The following AP3S2 variants were observed in gnomAD, a reference collection of about 807,000 sequenced individuals.
AP3S2 encodes the protein AP-3 complex subunit sigma-2.
In AP3S2, 22 loss-of-function variants were observed where a neutral mutation model predicts 23.4. The observed-to-expected ratio is 0.94, with a 90% CI of 0.67 to 1.34. AP3S2 has a LOEUF of 1.34. AP3S2 is among the 40% of genes most tolerant of loss of function. The pLI, the probability that AP3S2 is intolerant of heterozygous loss-of-function variation, is 0.00. For synonymous variants in AP3S2, 86 were observed against 87.1 expected, an observed-to-expected ratio of 0.99 and a Z score of 0.07; for missense variants, 241 against 236.9, an observed-to-expected ratio of 1.02 and a Z score of -0.11.
At chr15:89,850,089 T>C (rs1423988276) in intron 4 of AP3S2, among the ~76,000 whole-genome samples, 9 of 152,230 alleles carry the variant, frequency 5.9e-5, no homozygotes, top group Non-Finnish European at 1.0e-4. Flanking sequence ...CTCAGGCACA[T>C]AGAGCTGTCT....
At chr15:89,871,364 A>G in intron 4 of AP3S2, 111 bp downstream of exon 4, 1 of 1,002,484 alleles carries the variant, frequency 1.0e-6, no homozygotes, top group Non-Finnish European at 1.5e-6. Context: ...GACTATCTTA[A>G]GAGTAAAAAA....
At chr15:89,861,048 C>A (rs1351369437) in intron 4 of AP3S2, among the ~76,000 whole-genome samples, 2 of 152,170 alleles carry the variant, frequency 1.3e-5, no homozygotes, top group Non-Finnish European at 2.9e-5. Context: ...CAGGGTGTGG[C>A]AGGTATTAAT....
intron 4 of AP3S2, among the ~76,000 whole-genome samples, chr15:89,862,901 T>A (rs908505955): frequency 6.6e-5 from 10 of 151,764 alleles, no homozygotes; most frequent in South Asian, 2.1e-4. Flanking sequence ...AGCATGAAAA[T>A]TTTTTTTTAA....
intron 4 of AP3S2, among the ~76,000 whole-genome samples, chr15:89,846,622 G>A (rs1455944877): frequency 3.3e-5 from 5 of 151,844 alleles, no homozygotes; most frequent in Non-Finnish European, 7.4e-5. Context: ...CGCCTCCCGG[G>A]TTCAAGCAAT....
chr15:89,848,431 G>C (rs2060239678), intron 4 of AP3S2, among the ~76,000 whole-genome samples: 1 of 152,214 alleles, frequency 6.6e-6, no homozygotes, highest in South Asian at 2.1e-4. Context: ...CGTGATCTTG[G>C]CTCACTGCAG....
intron 1 of AP3S2, among the ~76,000 whole-genome samples, chr15:89,890,982 G>A (rs1357272141): frequency 6.6e-6 from 1 of 152,186 alleles, no homozygotes; most frequent in Non-Finnish European, 1.5e-5. Context: ...GCTCACAGAT[G>A]ACAGGATGCT....
Position 89,852,165 on chromosome 15 carries a change from A to C in AP3S2, c.346-14443T>G, listed in dbSNP as rs117054006. Among the ~76,000 whole-genome samples, 99 of 152,294 alleles carry C rather than the reference A, an allele frequency of 6.5e-4. 2 individuals carry two copies. The East Asian group carries it at 0.016, about 25-fold the overall frequency. On this transcript the variant is annotated intron_variant, in intron 4 of 5. Transcript: ENST00000336418. ...CTGAGGCTTCCTACCAATAAACCTC[A>C]GTTTCTTCATCTGTAAAATGGGGAG...
Position 89,872,374 on chromosome 15 carries a change from A to T in AP3S2, c.274-828T>A, listed in dbSNP as rs61218380. Among the ~76,000 whole-genome samples, 662 of 151,858 alleles carry T rather than the reference A, an allele frequency of 4.4e-3. 10 individuals are homozygous for T. The highest frequency in any genetic ancestry group is 0.015 in the African/African-American group (622 of 41,430). ...TTAATTGACGTGTTTACAACTTAAA[A>T]TTTTTTTTTAAAAGCCCTGAGCTTA... On this transcript the variant is annotated intron_variant, in intron 3 of 5. Coordinates refer to ENST00000336418, the MANE Select transcript of AP3S2 (RefSeq NM_005829.5).
At chr15:89,883,000 G>A (rs1896608080) in intron 3 of AP3S2, among the ~76,000 whole-genome samples, 1 of 152,160 alleles carries the variant, frequency 6.6e-6, no homozygotes. Context: ...AACAACGGGA[G>A]AGTTTGTAGC....
intron 3 of AP3S2, among the ~76,000 whole-genome samples, chr15:89,887,418 C>A (rs1896724837): frequency 6.6e-6 from 1 of 152,106 alleles, no homozygotes; most frequent in African/African-American, 2.4e-5. Flanking sequence ...GTCACCCAGG[C>A]TGGAGTGCAG....
At chr15:89,844,269 T>TTCTTTCTC (rs1307399243) in intron 4 of AP3S2, among the ~76,000 whole-genome samples, 2 of 12,104 alleles carry the variant, frequency 1.7e-4, no homozygotes, top group South Asian at 5.1e-3. Flanking sequence ...CTTTCTTTCT[T>TTCTTTCTC]TCTCTCTCTC....
At chr15:89,859,215 C>CTCTT (rs751498006) in intron 4 of AP3S2, among the ~76,000 whole-genome samples, 1 of 149,952 alleles carries the variant, frequency 6.7e-6, no homozygotes, top group Non-Finnish European at 1.5e-5. Flanking sequence ...TGCTTCCTTT[C>CTCTT]TCTTTCTTTC....
intron 4 of AP3S2, among the ~76,000 whole-genome samples, chr15:89,840,716 C>A (rs1267643641): frequency 6.6e-6 from 1 of 152,188 alleles, no homozygotes; most frequent in Non-Finnish European, 1.5e-5. Context: ...GCGTGAGCCA[C>A]CACGCCTGGC....
At position 89,871,655 on chromosome 15, in the gene AP3S2, T is replaced by C. The variant is rs1275504334; in HGVS notation, c.274-109A>G. ...GGCTGTCACAATACTATTTACTTTA[T>C]GATAAATCTCAAAAATTAAAACACC... On this transcript the variant is annotated intron_variant, in intron 3 of 5. Transcript: ENST00000336418. 19 of 1,146,528 alleles carry C rather than the reference T, an allele frequency of 1.7e-5. No individual in the cohort carries two copies. The East Asian group carries it at 4.1e-4, about 25-fold the overall frequency. 71.0% of individuals were successfully genotyped at this position (1,146,528 alleles called of 1,614,324 possible).
chr15:89,888,473 C>G (rs750940837), intron 3 of AP3S2, 48 bp downstream of exon 3: 3 of 1,588,106 alleles, frequency 1.9e-6, no homozygotes, highest in Non-Finnish European at 2.6e-6. Flanking sequence ...TCAAAAATCC[C>G]GTGGAAACTC....
In AP3S2 at chr15:89,834,204, G is replaced by C. The variant is rs1485731931; in HGVS notation, c.*1311C>G. 6.6e-6 allele frequency: 1 copy of C among 152,300 alleles called. No individual in the cohort carries two copies. Among genetic ancestry groups the C allele is most frequent in the African/African-American group, 2.4e-5 (1 of 41,460 alleles). The allele number at this position is 152,300 out of a possible 1,614,324, so 9.4% of individuals were successfully genotyped here. ...GTGCGTCATGTCCAGGCCCCACAAG[G>C]GTGACCCTGGCTCAGGTTCTCATGC... On this transcript the variant is annotated 3_prime_UTR_variant, in exon 6 of 6. Coordinates refer to ENST00000336418, the MANE Select transcript of AP3S2 (RefSeq NM_005829.5).
chr15:89,878,796 G>C (rs1896501969), intron 3 of AP3S2, among the ~76,000 whole-genome samples: 1 of 152,196 alleles, frequency 6.6e-6, no homozygotes. Flanking sequence ...ACCCAGGCTG[G>C]AGTGCAGTGG....
chr15:89,867,344 C>G (rs1316567055), intron 4 of AP3S2, among the ~76,000 whole-genome samples: 1 of 151,526 alleles, frequency 6.6e-6, no homozygotes, highest in Non-Finnish European at 1.5e-5. Context: ...AGTGCAGTGG[C>G]GTGATCTCAG....
At chr15:89,878,139 C>T (rs1896486392) in intron 3 of AP3S2, 2 of 505,834 alleles carry the variant, frequency 4.0e-6, no homozygotes, top group Non-Finnish European at 6.9e-6. Flanking sequence ...TGCAGATGTT[C>T]GTTAGAAGAT....
Sources: allele counts gnomAD v4.1 joint callset (sites outside exome capture counted in the v4.1 genomes callset), GRCh38; gene constraint gnomAD v4.1.1; transcripts MANE v1.5; gene names NCBI Gene and HGNC (gene_info 2026-07-23, HGNC 2026-07-21).